Variants in WDPCP observed in about 807,000 individuals in gnomAD.
The protein encoded by WDPCP is WD repeat-containing and planar cell polarity effector protein fritz homolog.
Under a neutral mutation model 93.1 loss-of-function variants are expected in WDPCP, and 71 were observed. The ratio of observed to expected loss-of-function variants is 0.76; its 90% CI spans 0.63 to 0.93. The LOEUF is 0.93. Among genes scored for constraint, WDPCP ranks in the 40% least tolerant of loss-of-function variants. The pLI is 0.00. For synonymous variants in WDPCP, 315 were observed against 315.0 expected, an observed-to-expected ratio of 1.00 and a Z score of 0.00; for missense variants, 844 against 887.4, an observed-to-expected ratio of 0.95 and a Z score of 0.62.
chr2:63,204,037 A>G (rs1574866041), intron 14 of WDPCP, among the ~76,000 whole-genome samples: 1 of 152,292 alleles, frequency 6.6e-6, no homozygotes, highest in East Asian at 1.9e-4. Flanking sequence ...TCTTTGATAG[A>G]CTAATGTACC....
At chr2:63,211,257 C>T (rs937314594) in intron 14 of WDPCP, among the ~76,000 whole-genome samples, 10 of 152,128 alleles carry the variant, frequency 6.6e-5, no homozygotes, top group South Asian at 2.1e-4. Context: ...CCCTCTGAGA[C>T]GAAGCTTCCA....
At chr2:63,288,229 G>A (rs1213162587) in intron 13 of WDPCP, among the ~76,000 whole-genome samples, 1 of 152,226 alleles carries the variant, frequency 6.6e-6, no homozygotes, top group Non-Finnish European at 1.5e-5. Flanking sequence ...ACATGAGAAT[G>A]TTCAGAAGGC....
chr2:63,251,573 T>A (rs1315129082), intron 14 of WDPCP, among the ~76,000 whole-genome samples: 1 of 141,922 alleles, frequency 7.0e-6, no homozygotes, highest in African/African-American at 2.6e-5. Flanking sequence ...CTCACTGCAA[T>A]CTCTGCCTCC....
chr2:63,739,730 G>T (rs919718176), intron 2 of WDPCP, among the ~76,000 whole-genome samples: 1 of 151,924 alleles, frequency 6.6e-6, no homozygotes, highest in African/African-American at 2.4e-5. Context: ...TGACAACCTT[G>T]CCAGTATCTG....
chr2:63,590,615 A>G (rs998983365), upstream of WDPCP: 1 of 152,216 alleles, frequency 6.6e-6, no homozygotes, highest in Non-Finnish European at 1.5e-5. Context: ...TTTGGAGATT[A>G]TATTATCTAC....
chr2:63,577,624 C>A (rs933638382), intron 1 of WDPCP, among the ~76,000 whole-genome samples: 7 of 152,102 alleles, frequency 4.6e-5, no homozygotes, highest in African/African-American at 1.7e-4. Flanking sequence ...TTTTTAATAT[C>A]TGAAAATAAT....
chr2:63,802,617 ATT>A (rs1240057957), intron 2 of WDPCP, among the ~76,000 whole-genome samples: 1 of 152,142 alleles, frequency 6.6e-6, no homozygotes, highest in Non-Finnish European at 1.5e-5. Context: ...ACAGATGATG[ATT>A]TTTTTAATTG....
chr2:63,390,709 G>A (rs868460198), intron 10 of WDPCP, among the ~76,000 whole-genome samples: 1 of 152,112 alleles, frequency 6.6e-6, no homozygotes, highest in Non-Finnish European at 1.5e-5. Flanking sequence ...AAATGATAAA[G>A]GGGATATCAC....
chr2:63,360,867 C>G (rs1377108561), intron 12 of WDPCP, among the ~76,000 whole-genome samples: 1 of 152,180 alleles, frequency 6.6e-6, no homozygotes, highest in African/African-American at 2.4e-5. Flanking sequence ...CCATGTTTTA[C>G]TGAGCAAAAC....
intron 14 of WDPCP, among the ~76,000 whole-genome samples, chr2:63,239,223 C>CT (rs943770009): frequency 4.6e-5 from 7 of 152,020 alleles, no homozygotes; most frequent in East Asian, 1.9e-4. Context: ...ATTTTCTTTT[C>CT]TTTTTTTTGA....
intron 3 of WDPCP, chr2:63,643,285 G>T: frequency 2.8e-6 from 1 of 353,144 alleles, no homozygotes; most frequent in South Asian, 3.0e-5. Flanking sequence ...TCTCTGTTTG[G>T]CTGCCAGTCT....
intron 2 of WDPCP, among the ~76,000 whole-genome samples, chr2:63,800,698 C>T: frequency 6.6e-6 from 1 of 152,126 alleles, no homozygotes; most frequent in Middle Eastern, 3.2e-3. Flanking sequence ...ACACTAAGTG[C>T]TTCTTGGAAA....
chr2:63,247,593 A>G (rs2104688796), intron 14 of WDPCP, among the ~76,000 whole-genome samples: 1 of 149,782 alleles, frequency 6.7e-6, no homozygotes, highest in Non-Finnish European at 1.5e-5. Context: ...CCTTCAGGCT[A>G]TGTGTGTAAG....
intron 13 of WDPCP, among the ~76,000 whole-genome samples, chr2:63,275,824 G>A (rs1479506476): frequency 6.6e-6 from 1 of 152,328 alleles, no homozygotes; most frequent in East Asian, 1.9e-4. Context: ...GAAAGATGGT[G>A]CATAGGAGGC....
chr2:63,575,461 A>ATACACTG (rs1707952988), intron 1 of WDPCP, among the ~76,000 whole-genome samples: 2 of 17,268 alleles, frequency 1.2e-4, no homozygotes, highest in African/African-American at 6.2e-4. Flanking sequence ...TATATACAGT[A>ATACACTG]TATATGCAGT....
intron 1 of WDPCP, among the ~76,000 whole-genome samples, chr2:63,818,143 G>T (rs1670967399): frequency 6.6e-6 from 1 of 152,154 alleles, no homozygotes; most frequent in African/African-American, 2.4e-5. Context: ...GCAACCAATG[G>T]GGCCAGGGCT....
Position 63,575,518 on chromosome 2 carries a change from A to ATGCACT in WDPCP, c.75+12678_75+12679insAGTGCA, listed in dbSNP as rs1427622731. On this transcript the variant is annotated intron_variant, in intron 1 of 17. Transcript: ENST00000272321. ...TATACAGTATATACACTGTATATAT[A>ATGCACT]GTATATACAGTATATACACTGTATA... Among the ~76,000 whole-genome samples the ATGCACT allele has an allele frequency of 1.5e-3, 108 of 74,294 alleles. 3 individuals carry two copies. Among genetic ancestry groups the ATGCACT allele is most frequent in the Non-Finnish European group, 1.7e-3 (62 of 36,366 alleles). 48.7% of individuals were successfully genotyped at this position (74,294 alleles called of 152,430 possible). A position where few individuals can be genotyped will look rare whatever the true frequency, so the allele number is the denominator to read the frequency against.
At chr2:63,361,380 T>G (rs1452058725) in intron 12 of WDPCP, among the ~76,000 whole-genome samples, 1 of 152,190 alleles carries the variant, frequency 6.6e-6, no homozygotes, top group East Asian at 1.9e-4. Flanking sequence ...TAATCCTAAA[T>G]TACACCAAGC....
intron 1 of WDPCP, among the ~76,000 whole-genome samples, chr2:63,574,045 T>C (rs560383068): frequency 6.6e-6 from 1 of 152,306 alleles, no homozygotes; most frequent in Admixed American, 6.5e-5. Context: ...TCAATGACAA[T>C]GTGTGCCCGA....
Sources: gnomAD v4.1 joint callset for allele counts (sites outside exome capture counted in the v4.1 genomes callset) on GRCh38, gnomAD v4.1.1 for gene constraint, MANE v1.5 for transcripts, NCBI Gene and HGNC (gene_info 2026-07-23, HGNC 2026-07-21) for gene names.